The following ERC2 variants were observed in gnomAD, a reference collection of about 807,000 sequenced individuals.
ERC2 encodes the protein ERC protein 2.
In ERC2, 42 loss-of-function variants were observed where a neutral mutation model predicts 114.8. The ratio of observed to expected loss-of-function variants is 0.37; its 90% CI spans 0.29 to 0.47. The LOEUF (loss-of-function observed/expected upper bound fraction) is 0.47. ERC2 is among the 20% of genes least tolerant of loss of function. ERC2 has a pLI of 0.99. For missense variants in ERC2, 939 were observed against 1,150.7 expected, an observed-to-expected ratio of 0.82 and a Z score of 2.66; for synonymous variants, 454 against 425.5, an observed-to-expected ratio of 1.07 and a Z score of -0.82.
intron 15 of ERC2, among the ~76,000 whole-genome samples, chr3:55,720,408 C>T (rs1231216503): frequency 1.3e-5 from 2 of 149,372 alleles, no homozygotes; most frequent in African/African-American, 5.0e-5. Flanking sequence ...GCCTCAGTCT[C>T]CCGAGTAGCT....
intron 12 of ERC2, among the ~76,000 whole-genome samples, chr3:55,969,074 T>C (rs1559950604): frequency 6.6e-6 from 1 of 152,150 alleles, no homozygotes; most frequent in Non-Finnish European, 1.5e-5. Context: ...ATGATTAAAA[T>C]GGCCAAATTC....
intron 16 of ERC2, among the ~76,000 whole-genome samples, chr3:55,697,312 A>G (rs1576186602): frequency 6.6e-6 from 1 of 152,278 alleles, no homozygotes; most frequent in African/African-American, 2.4e-5. Context: ...GGTTGCTTAG[A>G]GTGTTCACTG....
rs890793724 is a variant in ERC2 at position 55,509,833 on chromosome 3, C to T, written c.*1483G>A. Reference sequence around the variant, plus strand: ...TCCTTTCCACAGCAGCAAAGAAAGACAACTATATTTATTAAGGCCACTCAT... The same window carrying T: ...TCCTTTCCACAGCAGCAAAGAAAGATAACTATATTTATTAAGGCCACTCAT... On this transcript the variant is annotated 3_prime_UTR_variant, in exon 18 of 18. Transcript: ENST00000288221. 2.6e-5 allele frequency: 4 copies of T among 152,560 alleles called. No homozygotes were observed. Among genetic ancestry groups the T allele is most frequent in the Non-Finnish European group, 1.5e-5 (1 of 68,022 alleles). 9.5% of individuals were successfully genotyped at this position (152,560 alleles called of 1,614,324 possible).
intron 3 of ERC2, among the ~76,000 whole-genome samples, chr3:56,268,806 C>T (rs962703552): frequency 1.3e-5 from 2 of 152,158 alleles, no homozygotes; most frequent in Admixed American, 6.5e-5. Flanking sequence ...CAAAACGTAT[C>T]GCTTTACAAG....
chr3:55,639,403 A>C (rs2060085056), intron 17 of ERC2, among the ~76,000 whole-genome samples: 1 of 152,172 alleles, frequency 6.6e-6, no homozygotes, highest in East Asian at 1.9e-4. Context: ...ATGTATTCAC[A>C]ATCAGGAGAC....
intron 3 of ERC2, among the ~76,000 whole-genome samples, chr3:56,203,256 G>C (rs1042887386): frequency 1.1e-4 from 17 of 152,190 alleles, no homozygotes; most frequent in African/African-American, 4.1e-4. Flanking sequence ...TTAAGTGCCT[G>C]AGAGATGGAC....
At chr3:56,075,143 G>C (rs77950327) in intron 7 of ERC2, among the ~76,000 whole-genome samples, 3 of 149,464 alleles carry the variant, frequency 2.0e-5, no homozygotes, top group African/African-American at 7.4e-5. Flanking sequence ...AGACTTCCCT[G>C]AGTGACATAA....
At chr3:56,044,723 TA>T (rs1392499106) in intron 7 of ERC2, among the ~76,000 whole-genome samples, 1 of 152,154 alleles carries the variant, frequency 6.6e-6, no homozygotes, top group African/African-American at 2.4e-5. Flanking sequence ...AATGTTGTTA[TA>T]AGAGTCACCG....
At chr3:56,111,185 C>T (rs949051046) in intron 6 of ERC2, among the ~76,000 whole-genome samples, 3 of 152,104 alleles carry the variant, frequency 2.0e-5, no homozygotes, top group Non-Finnish European at 4.4e-5. Context: ...GTCCCAGTGT[C>T]TTTAAGAGAT....
chr3:55,620,358 G>T (rs1346895074), intron 17 of ERC2, among the ~76,000 whole-genome samples: 1 of 152,070 alleles, frequency 6.6e-6, no homozygotes, highest in Non-Finnish European at 1.5e-5. Context: ...AGATGTGTGG[G>T]GTTTTTAGAT....
intron 17 of ERC2, among the ~76,000 whole-genome samples, chr3:55,666,927 T>G (rs554459994): frequency 1.8e-5 from 1 of 56,040 alleles, no homozygotes; most frequent in South Asian, 4.4e-4. Flanking sequence ...CACACGCCTA[T>G]TAATATACAT....
chr3:56,421,115 G>A (rs1158922674), intron 2 of ERC2, among the ~76,000 whole-genome samples: 2 of 152,142 alleles, frequency 1.3e-5, no homozygotes, highest in East Asian at 3.8e-4. Flanking sequence ...AGGTGAGTGT[G>A]GAGGTTAGAG....
intron 14 of ERC2, among the ~76,000 whole-genome samples, chr3:55,820,109 G>A (rs1338830593): frequency 4.6e-5 from 7 of 152,168 alleles, no homozygotes; most frequent in Admixed American, 4.6e-4. Flanking sequence ...GGGATGCTGA[G>A]CATTCAGGAG....
At chr3:55,918,227 TG>T (rs1300374519) in intron 13 of ERC2, among the ~76,000 whole-genome samples, 2 of 152,238 alleles carry the variant, frequency 1.3e-5, no homozygotes, top group East Asian at 3.9e-4. Flanking sequence ...GGAAATGTAA[TG>T]TATATCTAGG....
intron 17 of ERC2, among the ~76,000 whole-genome samples, chr3:55,566,833 G>C (rs1242539428): frequency 1.3e-5 from 2 of 152,012 alleles, no homozygotes; most frequent in African/African-American, 4.8e-5. Context: ...TGAGCAGTTA[G>C]GATTACAGGT....
At chr3:55,738,697 C>T (rs577535458) in intron 14 of ERC2, among the ~76,000 whole-genome samples, 19 of 152,218 alleles carry the variant, frequency 1.2e-4, no homozygotes, top group South Asian at 1.0e-3. Context: ...TCCTTTTCTA[C>T]GTCAAAATTT....
intron 17 of ERC2, among the ~76,000 whole-genome samples, chr3:55,663,729 A>G (rs115495850): frequency 6.6e-6 from 1 of 152,294 alleles, no homozygotes; most frequent in African/African-American, 2.4e-5. Flanking sequence ...ATCTTTTTTT[A>G]CTTTTATAGT....
intron 13 of ERC2, among the ~76,000 whole-genome samples, chr3:55,923,421 G>A (rs1388630147): frequency 6.6e-6 from 1 of 151,982 alleles, no homozygotes; most frequent in East Asian, 1.9e-4. Flanking sequence ...CAGATATAGA[G>A]TTTCAGTTCT....
intron 2 of ERC2, among the ~76,000 whole-genome samples, chr3:56,324,013 C>CGT (rs2057246502): frequency 6.6e-6 from 1 of 152,184 alleles, no homozygotes; most frequent in South Asian, 2.1e-4. Flanking sequence ...CACCTACAAC[C>CGT]GTGTGTTCTG....
Sources: allele counts gnomAD v4.1 joint callset (sites outside exome capture counted in the v4.1 genomes callset), GRCh38; gene constraint gnomAD v4.1.1; transcripts MANE v1.5; gene names NCBI Gene and HGNC (gene_info 2026-07-23, HGNC 2026-07-21).